CNOT10: variants seen among roughly 807,000 people sequenced by gnomAD.
CNOT10 encodes CCR4-NOT transcription complex, subunit 10.
CNOT10 carries 30 observed loss-of-function variants against 94.6 expected under a neutral mutation model. The ratio of observed to expected loss-of-function variants is 0.32; its 90% confidence interval spans 0.24 to 0.43. CNOT10 has a LOEUF of 0.43. Among genes scored for constraint, CNOT10 ranks in the 20% least tolerant of loss-of-function variants. The pLI is 1.00. For synonymous variants in CNOT10, 289 were observed against 301.6 expected (o/e 0.96, Z 0.43); for missense variants, 759 against 877.2 (o/e 0.87, Z 1.70).
At chr3:32,698,235 C>T (rs939884354) in intron 1 of CNOT10, among the ~76,000 whole-genome samples, 11 of 152,316 alleles carry the variant, frequency 7.2e-5, no homozygotes, top group South Asian at 2.1e-4. Flanking sequence ...TCCTCCCTGT[C>T]GTATGCTAAA....
intron 1 of CNOT10, among the ~76,000 whole-genome samples, chr3:32,687,280 A>G (rs1003585399): frequency 2.7e-5 from 4 of 150,808 alleles, no homozygotes; most frequent in Non-Finnish European, 5.9e-5. Context: ...CATTTTCCTC[A>G]CTGTCGCCCC....
intron 14 of CNOT10, among the ~76,000 whole-genome samples, chr3:32,761,568 C>A (rs928846581): frequency 2.1e-5 from 3 of 145,866 alleles, no homozygotes; most frequent in Non-Finnish European, 3.0e-5. Context: ...AATTTTTTTT[C>A]TTTTTCTGAG....
intron 10 of CNOT10, among the ~76,000 whole-genome samples, chr3:32,728,894 A>G (rs1698806063): frequency 6.6e-6 from 1 of 152,078 alleles, no homozygotes; most frequent in Admixed American, 6.6e-5. Context: ...AGGTCAGGAG[A>G]TCGAGACCAT....
chr3:32,732,416 A>G (rs1182082317), intron 10 of CNOT10, among the ~76,000 whole-genome samples: 2 of 151,842 alleles, frequency 1.3e-5, no homozygotes, highest in Non-Finnish European at 2.9e-5. Context: ...TCTCTAAAAA[A>G]AATAAATAGA....
At chr3:32,729,140 G>C (rs147937522) in intron 10 of CNOT10, among the ~76,000 whole-genome samples, 2 of 152,144 alleles carry the variant, frequency 1.3e-5, no homozygotes, top group African/African-American at 2.4e-5. Flanking sequence ...GCATTAAGCT[G>C]GATTTCCATC....
intron 5 of CNOT10, among the ~76,000 whole-genome samples, chr3:32,713,797 G>A (rs1697993543): frequency 6.6e-6 from 1 of 152,144 alleles, no homozygotes; most frequent in African/African-American, 2.4e-5. Context: ...ATGCTTTCAA[G>A]CTTCATCCAT....
chr3:32,744,988 C>T (rs1047564091), intron 13 of CNOT10, among the ~76,000 whole-genome samples: 1 of 152,188 alleles, frequency 6.6e-6, no homozygotes, highest in Non-Finnish European at 1.5e-5. Flanking sequence ...AAGTGATTCT[C>T]CTGCTTCTGC....
intron 13 of CNOT10, among the ~76,000 whole-genome samples, chr3:32,748,883 T>C (rs1699832222): frequency 6.6e-6 from 1 of 151,438 alleles, no homozygotes; most frequent in Non-Finnish European, 1.5e-5. Flanking sequence ...CAGGCTGGAG[T>C]GCAGTGGCAC....
intron 11 of CNOT10, among the ~76,000 whole-genome samples, chr3:32,734,295 A>G (rs1699084171): frequency 6.6e-6 from 1 of 152,216 alleles, no homozygotes; most frequent in Non-Finnish European, 1.5e-5. Flanking sequence ...CTCTTTGGGT[A>G]TATCAAACCA....
intron 8 of CNOT10, among the ~76,000 whole-genome samples, chr3:32,723,949 C>T (rs1375746953): frequency 6.6e-6 from 1 of 151,770 alleles, no homozygotes; most frequent in East Asian, 1.9e-4. Flanking sequence ...GCATGGTGGC[C>T]CGTGCCTGTA....
chr3:32,767,294 A>C (rs200035052), intron 17 of CNOT10, among the ~76,000 whole-genome samples: 1 of 152,050 alleles, frequency 6.6e-6, no homozygotes, highest in African/African-American at 2.4e-5. Flanking sequence ...CGAGGCAGGC[A>C]GATCACCTGA....
rs764492955 is a variant in CNOT10, at chr3:32,773,563, G to A, written c.2187G>A (p.Pro729=). The A allele has an allele frequency of 1.4e-5, 23 of 1,613,996 alleles. No individual in the cohort carries two copies. In the East Asian group the frequency reaches 1.6e-4, roughly 11 times the overall value. The change falls in exon 19 of 19, where the codon CCG becomes CCA. Residue 729 remains proline (P), a synonymous_variant. Transcript: ENST00000328834. ...AGCCAGTGTTTCAGCCTGTCCACCC[G>A]ATCCAGCCCATCCAAATGCCGGCTT... The part of the protein sequence containing the change: ...RKKPVFQPVH[P]IQPIQMPAFT...
At chr3:32,727,215 T>C (rs770693320) in intron 9 of CNOT10, among the ~76,000 whole-genome samples, 1 of 152,020 alleles carries the variant, frequency 6.6e-6, no homozygotes, top group Non-Finnish European at 1.5e-5. Context: ...CTCATGCCTG[T>C]AATCCCAACA....
At chr3:32,756,093 C>T (rs991259471) in intron 13 of CNOT10, among the ~76,000 whole-genome samples, 2 of 152,022 alleles carry the variant, frequency 1.3e-5, no homozygotes, top group African/African-American at 4.8e-5. Context: ...AGGAATTGTG[C>T]AGAGTGCGGT....
chr3:32,727,159 G>A (rs1279720424), intron 9 of CNOT10, among the ~76,000 whole-genome samples: 2 of 151,804 alleles, frequency 1.3e-5, no homozygotes, highest in Non-Finnish European at 2.9e-5. Flanking sequence ...ATTTTAAAAA[G>A]TGGAAACTTT....
At chr3:32,753,520 T>C in intron 13 of CNOT10, 1 of 1,576,316 alleles carries the variant, frequency 6.3e-7, no homozygotes, top group South Asian at 1.1e-5. Flanking sequence ...TAAAGTAGTT[T>C]CAACCAAGAT....
chr3:32,695,486 C>G (rs1189703301), intron 1 of CNOT10: 2 of 1,281,180 alleles, frequency 1.6e-6, no homozygotes, highest in South Asian at 1.5e-5. Context: ...CTTGTAGTCT[C>G]CACCAATCAG....
intron 7 of CNOT10, among the ~76,000 whole-genome samples, chr3:32,717,843 G>A (rs895808640): frequency 2.6e-5 from 4 of 152,082 alleles, no homozygotes; most frequent in African/African-American, 9.7e-5. Context: ...GCTAGCCTGG[G>A]CAACAGGGTG....
intron 13 of CNOT10, among the ~76,000 whole-genome samples, chr3:32,740,139 C>T (rs539906422): frequency 6.6e-6 from 1 of 152,168 alleles, no homozygotes; most frequent in South Asian, 2.1e-4. Context: ...ACCCTCTACC[C>T]AGTTTTCTCA....
Sources: gnomAD v4.1 joint callset for allele counts (sites outside exome capture counted in the v4.1 genomes callset) on GRCh38, gnomAD v4.1.1 for gene constraint, MANE v1.5 for transcripts, NCBI Gene and HGNC (gene_info 2026-07-23, HGNC 2026-07-21) for gene names.